The following DSCAM variants were observed in gnomAD, a reference collection of about 807,000 sequenced individuals.
The protein encoded by DSCAM is DS cell adhesion molecule.
Under a neutral mutation model 217.7 loss-of-function variants are expected in DSCAM, and 47 were observed. That is an observed-to-expected ratio of 0.22 (90% CI 0.17 to 0.28). DSCAM has a LOEUF of 0.28. Ranked by LOEUF, DSCAM falls within the 10% of genes least tolerant of loss-of-function variation. The probability of loss-of-function intolerance (pLI) is 1.00; values close to 1 mark genes in which losing one functional copy is unlikely to be tolerated. For missense variants in DSCAM, 2,080 were observed against 2,618.3 expected (o/e 0.79, Z 4.49); for synonymous variants, 1,056 against 1,015.3 (o/e 1.04, Z -0.76).
chr21:40,597,136 T>C (rs559795349), intron 3 of DSCAM, among the ~76,000 whole-genome samples: 225 of 152,306 alleles, frequency 1.5e-3, no homozygotes, highest in African/African-American at 5.0e-3. Flanking sequence ...ACACTCTCAA[T>C]AAATAGTAAG....
chr21:40,197,726 C>T (rs1463235683), intron 11 of DSCAM, among the ~76,000 whole-genome samples: 3 of 152,114 alleles, frequency 2.0e-5, no homozygotes, highest in South Asian at 2.1e-4. Context: ...TGTCCTTTCA[C>T]GTCTCAGATC....
chr21:40,442,699 A>G (rs1285394266), intron 3 of DSCAM, among the ~76,000 whole-genome samples: 1 of 151,846 alleles, frequency 6.6e-6, no homozygotes, highest in East Asian at 1.9e-4. Flanking sequence ...TTCAGTAAAG[A>G]CGGGGTTTCA....
chr21:40,402,049 CTTTTTTTTTTTTTTTTTT>C (rs71186933), intron 3 of DSCAM, among the ~76,000 whole-genome samples: 1 of 58,212 alleles, frequency 1.7e-5, no homozygotes, highest in Admixed American at 3.1e-4. Flanking sequence ...ATTCTTATTC[CTTTTTTTTTTTTTTTTTT>C]TTTTTTTTTT....
intron 9 of DSCAM, among the ~76,000 whole-genome samples, chr21:40,302,181 T>G (rs714982): frequency 0.14 from 21,548 of 152,100 alleles, 2,458 homozygotes; most frequent in East Asian, 0.36. Flanking sequence ...TTCCAATAGA[T>G]CATGATATGG....
At chr21:40,396,098 G>A (rs62223834) in intron 3 of DSCAM, among the ~76,000 whole-genome samples, 2 of 152,098 alleles carry the variant, frequency 1.3e-5, no homozygotes, top group African/African-American at 2.4e-5. Context: ...TTCCTAAATC[G>A]AGATGACATT....
chr21:40,453,629 A>G (rs974777094), intron 3 of DSCAM, among the ~76,000 whole-genome samples: 3 of 152,242 alleles, frequency 2.0e-5, no homozygotes, highest in African/African-American at 7.2e-5. Context: ...ACTAATGCCA[A>G]TAAATATTTG....
chr21:40,541,046 A>G (rs1231055168), intron 3 of DSCAM, among the ~76,000 whole-genome samples: 2 of 152,194 alleles, frequency 1.3e-5, no homozygotes, highest in Non-Finnish European at 2.9e-5. Context: ...ATAAAACAAT[A>G]AAAGTGTTAG....
In DSCAM at chr21:40,083,984, A is replaced by T. The variant is rs754426525; in HGVS notation, c.4155T>A (p.Leu1385=). 3.7e-6 allele frequency: 6 copies of T among 1,613,456 alleles called. No individual in the cohort carries two copies. The highest frequency in any genetic ancestry group is 5.1e-6 in the Non-Finnish European group (6 of 1,179,808). Residue 1385 remains leucine (L), a synonymous_variant, in exon 24 of 33, where the codon CTT becomes CTA. Coordinates refer to ENST00000400454, the MANE Select transcript of DSCAM (RefSeq NM_001389.5). ...AGGAAGACGTGGTCTTGGAGACTGTAAGCCGAGGCTGATCTGGTGGAACTG... is the reference window on the plus strand; with the variant it reads ...AGGAAGACGTGGTCTTGGAGACTGTTAGCCGAGGCTGATCTGGTGGAACTG... ...QVQVPPDQPR[L]TVSKTTSSSI... is the part of the protein sequence containing the mutation.
intron 3 of DSCAM, among the ~76,000 whole-genome samples, chr21:40,668,455 G>A (rs140170735): frequency 6.6e-6 from 1 of 152,170 alleles, no homozygotes; most frequent in Non-Finnish European, 1.5e-5. Context: ...ATCTCTAAGG[G>A]CATTGGTATT....
intron 20 of DSCAM, among the ~76,000 whole-genome samples, chr21:40,113,299 C>G (rs939593289): frequency 3.3e-5 from 5 of 152,052 alleles, no homozygotes; most frequent in Non-Finnish European, 7.4e-5. Context: ...TAAACAGAAC[C>G]AAAGACAAAA....
At chr21:40,737,566 AG>A in intron 1 of DSCAM, among the ~76,000 whole-genome samples, 1 of 152,250 alleles carries the variant, frequency 6.6e-6, no homozygotes, top group Non-Finnish European at 1.5e-5. Flanking sequence ...ACTTGAACCA[AG>A]GGGGCAAAGG....
At position 40,062,653 on chromosome 21, in the gene DSCAM, T is replaced by C. The variant is rs945591927; in HGVS notation, c.4919+216A>G. Among the ~76,000 whole-genome samples the C allele has an allele frequency of 5.9e-5, 9 of 152,354 alleles. 1 individual carries two copies. Among genetic ancestry groups the C allele is most frequent in the Admixed American group, 5.2e-4 (8 of 15,310 alleles). ...GGTTGTGTCCAGCCAACAAGACAAC[T>C]ACCTGTGGCATGTCTACAAATACAT... On this transcript the variant is annotated intron_variant, in intron 28 of 32. Transcript: ENST00000400454.
intron 16 of DSCAM, among the ~76,000 whole-genome samples, chr21:40,166,815 T>C (rs776282893): frequency 1.3e-5 from 2 of 152,172 alleles, no homozygotes; most frequent in Non-Finnish European, 1.5e-5. Context: ...CAGTGAGGAC[T>C]TGGCCTGTTT....
chr21:40,369,356 A>G (rs1281561320), intron 3 of DSCAM, 111 bp from the exon 4 acceptor site: 35 of 1,089,468 alleles, frequency 3.2e-5, no homozygotes, highest in Non-Finnish European at 4.5e-5. Flanking sequence ...AAACTTAATG[A>G]AAAGGCTAAA....
At chr21:40,769,421 G>A (rs2091425455) in intron 1 of DSCAM, among the ~76,000 whole-genome samples, 1 of 152,172 alleles carries the variant, frequency 6.6e-6, no homozygotes, top group Non-Finnish European at 1.5e-5. Context: ...TGCATGCTGT[G>A]GCAGACACAG....
intron 1 of DSCAM, among the ~76,000 whole-genome samples, chr21:40,772,888 C>A (rs561086868): frequency 1.3e-5 from 2 of 152,324 alleles, no homozygotes; most frequent in South Asian, 4.1e-4. Flanking sequence ...CGGTGGTGGA[C>A]CCTGTCCCGG....
intron 8 of DSCAM, among the ~76,000 whole-genome samples, chr21:40,334,015 G>A (rs927533505): frequency 3.9e-5 from 6 of 152,176 alleles, no homozygotes; most frequent in African/African-American, 1.4e-4. Flanking sequence ...ATTTCAAACA[G>A]TCCTTGTTTG....
At chr21:40,424,588 A>C (rs146872240) in intron 3 of DSCAM, among the ~76,000 whole-genome samples, 1 of 152,212 alleles carries the variant, frequency 6.6e-6, no homozygotes, top group African/African-American at 2.4e-5. Flanking sequence ...GAACTGTGAG[A>C]GAATCAGCTT....
At chr21:40,414,187 A>T (rs997352748) in intron 3 of DSCAM, among the ~76,000 whole-genome samples, 3 of 152,226 alleles carry the variant, frequency 2.0e-5, no homozygotes, top group Non-Finnish European at 4.4e-5. Flanking sequence ...AGAAAATAAA[A>T]AGTCCAACTG....
Sources: gnomAD v4.1 joint callset for allele counts (sites outside exome capture counted in the v4.1 genomes callset) on GRCh38, gnomAD v4.1.1 for gene constraint, MANE v1.5 for transcripts, NCBI Gene and HGNC (gene_info 2026-07-23, HGNC 2026-07-21) for gene names.